The following BARD1 variants were observed in gnomAD, a reference collection of about 807,000 sequenced individuals.
BARD1 encodes BRCA1-associated RING domain protein 1.
A neutral mutation model predicts 77.0 loss-of-function variants in BARD1; 73 were observed. That is an observed-to-expected ratio of 0.95 (90% CI 0.79 to 1.15). BARD1 has a LOEUF of 1.15. Ranked by LOEUF, BARD1 falls within the 50% of genes most tolerant of loss-of-function variation. The pLI, the probability that BARD1 is intolerant of heterozygous loss-of-function variation, is 0.00. For missense variants in BARD1, 993 were observed against 938.8 expected, an observed-to-expected ratio of 1.06 and a Z score of -0.75; for synonymous variants, 384 against 338.0, an observed-to-expected ratio of 1.14 and a Z score of -1.49.
intron 4 of BARD1, among the ~76,000 whole-genome samples, chr2:214,773,636 T>TAA (rs60594269): frequency 6.7e-5 from 10 of 150,372 alleles, no homozygotes; most frequent in South Asian, 6.3e-4. Context: ...TTATGTTTTT[T>TAA]AAAAAAAATG....
chr2:214,758,116 T>C (rs1192449212), intron 6 of BARD1, among the ~76,000 whole-genome samples: 1 of 152,104 alleles, frequency 6.6e-6, no homozygotes, highest in Non-Finnish European at 1.5e-5. Flanking sequence ...CCTAAATCAT[T>C]GTAAGCAGGA....
intron 6 of BARD1, among the ~76,000 whole-genome samples, chr2:214,753,093 T>G (rs1693534884): frequency 6.6e-6 from 1 of 152,168 alleles, no homozygotes; most frequent in South Asian, 2.1e-4. Flanking sequence ...GAACAAAGTA[T>G]TATGGCTCAG....
At chr2:214,801,777 T>C (rs1205756541) in intron 1 of BARD1, among the ~76,000 whole-genome samples, 1 of 146,436 alleles carries the variant, frequency 6.8e-6, no homozygotes, top group African/African-American at 2.5e-5. Context: ...ATGTACAAAA[T>C]GCTCTAAAGT....
intron 7 of BARD1, among the ~76,000 whole-genome samples, chr2:214,746,508 CAAA>C (rs1007606753): frequency 2.0e-5 from 3 of 151,452 alleles, no homozygotes; most frequent in African/African-American, 7.3e-5. Context: ...TCACAGAAGA[CAAA>C]AAAGACAAAA....
intron 1 of BARD1, 145 bp downstream of exon 1, chr2:214,809,267 T>C (rs1368528601): frequency 2.7e-6 from 3 of 1,122,352 alleles, no homozygotes; most frequent in Non-Finnish European, 2.5e-6. Flanking sequence ...TAATACTATA[T>C]CCCCCGGCAG....
chr2:214,754,934 T>C (rs34136362), intron 6 of BARD1, among the ~76,000 whole-genome samples: 74,396 of 152,024 alleles, frequency 0.49, 18,381 homozygotes, highest in East Asian at 0.56. Flanking sequence ...TGGAAGTAGA[T>C]GTAAGTTTAC....
intron 1 of BARD1, among the ~76,000 whole-genome samples, chr2:214,800,808 G>A (rs145238818): frequency 2.0e-5 from 3 of 151,974 alleles, no homozygotes; most frequent in Non-Finnish European, 2.9e-5. Context: ...CTTCTCAAGG[G>A]TAATAAGAGA....
intron 1 of BARD1, among the ~76,000 whole-genome samples, chr2:214,804,135 A>C (rs923614622): frequency 2.6e-5 from 4 of 152,224 alleles, no homozygotes; most frequent in Non-Finnish European, 5.9e-5. Flanking sequence ...CATGTTGAAC[A>C]TCTAAATGTG....
At chr2:214,755,698 T>A (rs1009532848) in intron 6 of BARD1, among the ~76,000 whole-genome samples, 14 of 152,166 alleles carry the variant, frequency 9.2e-5, no homozygotes, top group Admixed American at 5.9e-4. Flanking sequence ...AAGCTTTCTA[T>A]CAAACCTTCT....
intron 9 of BARD1, among the ~76,000 whole-genome samples, chr2:214,741,311 C>T (rs1023100915): frequency 2.6e-5 from 4 of 151,886 alleles, no homozygotes; most frequent in African/African-American, 9.7e-5. Context: ...ATCTGTTCTC[C>T]CCTTCATAAT....
chr2:214,790,054 T>C (rs1025188925), intron 3 of BARD1, among the ~76,000 whole-genome samples: 7 of 152,224 alleles, frequency 4.6e-5, no homozygotes, highest in African/African-American at 1.7e-4. Context: ...TGATGAAATA[T>C]GAAGAAAGCA....
At chr2:214,766,232 T>C (rs1694188450) in intron 6 of BARD1, among the ~76,000 whole-genome samples, 1 of 152,200 alleles carries the variant, frequency 6.6e-6, no homozygotes, top group African/African-American at 2.4e-5. Context: ...CTAATGCATC[T>C]CTGTGTCCTG....
chr2:214,809,494 T>G lies in BARD1; in HGVS notation c.76A>C (p.Met26Leu), dbSNP rs587781570. Residue 26 changes from methionine (M) to leucine (L), a missense_variant, in exon 1 of 11, where the codon ATG (methionine) becomes CTG (leucine). Coordinates refer to ENST00000260947, the MANE Select transcript of BARD1 (RefSeq NM_000465.4). ...SGNEPRSAPA[M>L]EPDGRGAWAH... ...CAGGCACCGCGACCATCCGGTTCCA[T>G]GGCGGGCGCGGAACGAGGCTCGTTC... 1.9e-6 allele frequency: 3 copies of G among 1,607,466 alleles called. No individual in the cohort carries two copies. Among genetic ancestry groups the G allele is most frequent in the Non-Finnish European group, 2.5e-6 (3 of 1,178,104 alleles).
intron 2 of BARD1, among the ~76,000 whole-genome samples, chr2:214,794,116 G>C (rs1307829719): frequency 6.6e-6 from 1 of 152,004 alleles, no homozygotes; most frequent in East Asian, 1.9e-4. Context: ...AGCCAGGCGT[G>C]GTGGGGTGCA....
intron 4 of BARD1, among the ~76,000 whole-genome samples, chr2:214,773,212 TATAA>T (rs1485427373): frequency 6.6e-6 from 1 of 152,202 alleles, no homozygotes; most frequent in Non-Finnish European, 1.5e-5. Flanking sequence ...TTTTCCTTAT[TATAA>T]ATGTTAGCTC....
rs146850905 is a variant in BARD1, at chr2:214,731,781, C to T, written c.1904-1273G>A. ...TATGCGTTCTTCAGAATTTCATACA[C>T]TTTCCCATAGAACAGGAGTTTAATA... On this transcript the variant is annotated intron_variant, in intron 9 of 10. Transcript: ENST00000260947. 4.1e-3 allele frequency among the ~76,000 whole-genome samples: 618 copies of T among 152,314 alleles called. 2 individuals carry two copies. Among genetic ancestry groups the T allele is most frequent in the Non-Finnish European group, 5.6e-3 (379 of 68,032 alleles).
At chr2:214,738,933 CA>C (rs1441600524) in intron 9 of BARD1, among the ~76,000 whole-genome samples, 1 of 151,950 alleles carries the variant, frequency 6.6e-6, no homozygotes, top group African/African-American at 2.4e-5. Flanking sequence ...CCGCTTGAAA[CA>C]AGGAGTTCAA....
At chr2:214,773,371 T>C (rs1694596524) in intron 4 of BARD1, among the ~76,000 whole-genome samples, 1 of 152,202 alleles carries the variant, frequency 6.6e-6, no homozygotes, top group East Asian at 1.9e-4. Context: ...TCTTGGCAAT[T>C]AGATGCCATT....
chr2:214,803,669 G>A (rs928445314), intron 1 of BARD1, among the ~76,000 whole-genome samples: 1 of 152,180 alleles, frequency 6.6e-6, no homozygotes, highest in African/African-American at 2.4e-5. Context: ...AAACACCCAT[G>A]AATGATCAAT....
Sources: allele counts gnomAD v4.1 joint callset (sites outside exome capture counted in the v4.1 genomes callset), GRCh38; gene constraint gnomAD v4.1.1; transcripts MANE v1.5; gene names NCBI Gene and HGNC (gene_info 2026-07-23, HGNC 2026-07-21).